ZC3H11A: variants seen among roughly 807,000 people sequenced by gnomAD.
The protein encoded by ZC3H11A is zinc finger CCCH-type containing 11A.
A neutral mutation model predicts 90.8 loss-of-function variants in ZC3H11A; 22 were observed. The observed-to-expected ratio is 0.24, with a 90% CI of 0.17 to 0.35. The LOEUF (loss-of-function observed/expected upper bound fraction) is 0.35. ZC3H11A is among the 10% of genes least tolerant of loss of function. The pLI, the probability that ZC3H11A is intolerant of heterozygous loss-of-function variation, is 1.00. For synonymous variants in ZC3H11A, 294 were observed against 339.8 expected (o/e 0.87, Z 1.48); for missense variants, 701 against 964.9 (o/e 0.73, Z 3.62).
intron 2 of ZC3H11A, among the ~76,000 whole-genome samples, chr1:203,806,980 T>C (rs894548488): frequency 3.3e-5 from 5 of 152,092 alleles, no homozygotes; most frequent in Non-Finnish European, 7.4e-5. Flanking sequence ...GTAAATATAA[T>C]GAGTTTCCTA....
chr1:203,833,009 G>A (rs1682900569), intron 9 of ZC3H11A, among the ~76,000 whole-genome samples: 1 of 151,692 alleles, frequency 6.6e-6, no homozygotes, highest in Non-Finnish European at 1.5e-5. Context: ...TGAGGCGGGC[G>A]GATCGCTTGA....
At chr1:203,846,003 A>C (rs1687786285) in intron 12 of ZC3H11A, among the ~76,000 whole-genome samples, 1 of 147,764 alleles carries the variant, frequency 6.8e-6, no homozygotes, top group South Asian at 2.3e-4. Flanking sequence ...CAGACTGGGT[A>C]TGGTGGCTCA....
chr1:203,831,518 A>G (rs1682365029), intron 8 of ZC3H11A, 143 bp from the exon 9 acceptor site: 1 of 649,332 alleles, frequency 1.5e-6, no homozygotes, highest in African/African-American at 1.8e-5. Context: ...GACTGTAGGC[A>G]AACAGATACA....
chr1:203,809,853 G>T (rs1289438048), intron 2 of ZC3H11A, among the ~76,000 whole-genome samples: 1 of 151,946 alleles, frequency 6.6e-6, no homozygotes, highest in African/African-American at 2.4e-5. Context: ...ACTCGGGAGG[G>T]TGAGGCAGGA....
At chr1:203,816,000 CTT>C (rs1017233548) in intron 2 of ZC3H11A, among the ~76,000 whole-genome samples, 1 of 152,164 alleles carries the variant, frequency 6.6e-6, no homozygotes, top group African/African-American at 2.4e-5. Flanking sequence ...ACTTTTGCGT[CTT>C]GTTTGTAATT....
Position 203,798,776 on chromosome 1 carries a change from T to G in ZC3H11A, c.-1587-2799T>G, listed in dbSNP as rs1669549681. ...TAAGTCAGGCAATTATCCAAATGAT[T>G]GTGGAGGATATGCATCCTTACAACT... On this transcript the variant is annotated intron_variant, in intron 1 of 17. Coordinates refer to ENST00000367210, the MANE Select transcript of ZC3H11A (RefSeq NM_001376342.1). 1.3e-6 allele frequency: 2 copies of G among 1,536,030 alleles called. No individual in the cohort carries two copies. Among genetic ancestry groups the G allele is most frequent in the Non-Finnish European group, 8.7e-7 (1 of 1,146,918 alleles).
intron 9 of ZC3H11A, among the ~76,000 whole-genome samples, chr1:203,833,002 G>A (rs1682895650): frequency 1.3e-5 from 2 of 152,316 alleles, no homozygotes; most frequent in East Asian, 3.9e-4. Flanking sequence ...GGGAGGCTGA[G>A]GCGGGCGGAT....
chr1:203,836,139 G>A (rs1364950833), intron 10 of ZC3H11A, among the ~76,000 whole-genome samples: 2 of 152,214 alleles, frequency 1.3e-5, no homozygotes, highest in East Asian at 1.9e-4. Context: ...TCCCAGCTGC[G>A]TGGGCAGCTG....
intron 2 of ZC3H11A, among the ~76,000 whole-genome samples, chr1:203,812,277 CCTT>C (rs1674741210): frequency 6.6e-6 from 1 of 152,156 alleles, no homozygotes; most frequent in African/African-American, 2.4e-5. Context: ...CCTCCTCCCA[CCTT>C]CTACCTTCTG....
intron 10 of ZC3H11A, among the ~76,000 whole-genome samples, chr1:203,837,467 T>C (rs1684735093): frequency 6.6e-6 from 1 of 151,678 alleles, no homozygotes; most frequent in Admixed American, 6.6e-5. Context: ...TTTTTTTTTT[T>C]CTTGAGAATG....
At chr1:203,796,001 C>T (rs1668316898) in intron 1 of ZC3H11A, 1 of 151,554 alleles carries the variant, frequency 6.6e-6, no homozygotes, top group Admixed American at 6.6e-5. Context: ...GAGCCCCAGG[C>T]TCCCGCTCAC....
intron 12 of ZC3H11A, among the ~76,000 whole-genome samples, chr1:203,846,101 G>T (rs1289160949): frequency 2.0e-4 from 19 of 95,008 alleles, no homozygotes; most frequent in Non-Finnish European, 3.3e-4. Flanking sequence ...CACATAACAA[G>T]ACCTCGTCTT....
At chr1:203,797,455 G>A (rs1668926393) in intron 1 of ZC3H11A, 1 of 1,371,640 alleles carries the variant, frequency 7.3e-7, no homozygotes, top group African/African-American at 1.5e-5. Flanking sequence ...GAGAGGAACA[G>A]CTGTATTTCT....
At chr1:203,798,254 A>G in intron 1 of ZC3H11A, 1 of 1,536,132 alleles carries the variant, frequency 6.5e-7, no homozygotes, top group Non-Finnish European at 8.7e-7. Flanking sequence ...GGGCAGAAAG[A>G]GGGAGATTTC....
chr1:203,799,019 T>G (rs1467901093), intron 1 of ZC3H11A: 2 of 1,536,046 alleles, frequency 1.3e-6, no homozygotes, highest in East Asian at 2.4e-5. Context: ...TTATTGTGAC[T>G]GTACACTGGG....
intron 2 of ZC3H11A, among the ~76,000 whole-genome samples, chr1:203,806,577 A>T (rs1370590639): frequency 1.3e-5 from 2 of 152,216 alleles, no homozygotes; most frequent in East Asian, 3.9e-4. Context: ...TGCTGGGATT[A>T]TAGGCATGAG....
At chr1:203,842,614 G>A (rs936918358) in intron 12 of ZC3H11A, among the ~76,000 whole-genome samples, 1 of 148,362 alleles carries the variant, frequency 6.7e-6, no homozygotes, top group Non-Finnish European at 1.5e-5. Flanking sequence ...AGGGGGAGGG[G>A]GAGGGGGAAT....
In ZC3H11A at chr1:203,831,739, T is replaced by C; in HGVS notation, c.779T>C (p.Val260Ala). The change falls in exon 9 of 18, where the codon GTG becomes GCG. Residue 260 changes from valine to alanine, a missense_variant. By Grantham distance (64) the Val-to-Ala change is moderately conservative. Coordinates refer to ENST00000367210, the MANE Select transcript of ZC3H11A (RefSeq NM_001376342.1). ...CCTGAAAAAGAAAATGTCAGGACTGTGGTGAGGACAGTAACTCTCTCCACC... is the reference window on the plus strand; with the variant it reads ...CCTGAAAAAGAAAATGTCAGGACTGCGGTGAGGACAGTAACTCTCTCCACC... ...PGPEKENVRT[V>A]VRTVTLSTKQ... The C allele has an allele frequency of 6.2e-7, 1 of 1,612,808 alleles. No individual in the cohort carries two copies. The highest frequency in any genetic ancestry group is 8.5e-7 in the Non-Finnish European group (1 of 1,179,434).
At chr1:203,799,396 T>G in intron 1 of ZC3H11A, 1 of 703,246 alleles carries the variant, frequency 1.4e-6, no homozygotes, top group Non-Finnish European at 2.6e-6. Context: ...GCCCGTCAGA[T>G]ACTGCAAGAG....
Sources: gnomAD v4.1 joint callset for allele counts (sites outside exome capture counted in the v4.1 genomes callset) on GRCh38, gnomAD v4.1.1 for gene constraint, MANE v1.5 for transcripts, NCBI Gene and HGNC (gene_info 2026-07-23, HGNC 2026-07-21) for gene names.